The following DACH1 variants were observed in gnomAD, a reference collection of about 807,000 sequenced individuals.
DACH1 encodes dachshund family transcription factor 1.
Under a neutral mutation model 54.2 loss-of-function variants are expected in DACH1, and 12 were observed. The observed-to-expected ratio is 0.22, with a 90% CI of 0.14 to 0.36. The LOEUF is 0.36. DACH1 is among the 10% of genes least tolerant of loss of function. The pLI is 1.00. For synonymous variants in DACH1, 386 were observed against 366.2 expected, an observed-to-expected ratio of 1.05 and a Z score of -0.62; for missense variants, 805 against 929.8, an observed-to-expected ratio of 0.87 and a Z score of 1.75.
At position 71,579,365 on chromosome 13, in the gene DACH1, T is replaced by C. The variant is rs543531032; in HGVS notation, c.1127-6353A>G. ...AAAGCACACACAAATTAATGGAAACTAGAACTGCTTATTTTTAAATTTTGG... is the reference window on the plus strand; with the variant it reads ...AAAGCACACACAAATTAATGGAAACCAGAACTGCTTATTTTTAAATTTTGG... On this transcript the variant is annotated intron_variant, in intron 3 of 10. Coordinates refer to ENST00000613252, the MANE Select transcript of DACH1 (RefSeq NM_080759.6). 8.5e-5 allele frequency among the ~76,000 whole-genome samples: 13 copies of C among 152,228 alleles called. No individual in the cohort carries two copies. The East Asian group carries it at 2.3e-3, about 27-fold the overall frequency.
intron 10 of DACH1, among the ~76,000 whole-genome samples, chr13:71,453,878 A>T (rs1431599965): frequency 2.6e-5 from 4 of 152,192 alleles, no homozygotes; most frequent in Admixed American, 2.6e-4. Flanking sequence ...TCATAGGGAA[A>T]TAACTTTTCT....
chr13:71,574,630 T>C (rs1299930645), intron 3 of DACH1, among the ~76,000 whole-genome samples: 2 of 152,016 alleles, frequency 1.3e-5, no homozygotes, highest in Non-Finnish European at 2.9e-5. Context: ...CTCAATACTG[T>C]CTGGATCTTA....
chr13:71,688,125 T>C (rs1881275787), intron 1 of DACH1, among the ~76,000 whole-genome samples: 1 of 152,232 alleles, frequency 6.6e-6, no homozygotes, highest in Admixed American at 6.5e-5. Context: ...TAAACAAAAA[T>C]ATTATCCTTG....
chr13:71,790,311 A>T (rs561337664), intron 1 of DACH1, among the ~76,000 whole-genome samples: 6 of 152,126 alleles, frequency 3.9e-5, no homozygotes, highest in Non-Finnish European at 8.8e-5. Context: ...TTAATGCATG[A>T]TAGTTTTTAA....
chr13:71,734,017 C>G (rs1317710598), intron 1 of DACH1, among the ~76,000 whole-genome samples: 2 of 151,766 alleles, frequency 1.3e-5, no homozygotes, highest in South Asian at 4.2e-4. Flanking sequence ...CCACTGCACT[C>G]CAGCCTGAGT....
intron 1 of DACH1, among the ~76,000 whole-genome samples, chr13:71,686,710 C>T (rs925477294): frequency 6.6e-6 from 1 of 151,998 alleles, no homozygotes; most frequent in Admixed American, 6.6e-5. Flanking sequence ...AGAGTTGGGG[C>T]AGAGAAACAA....
chr13:71,554,175 A>C (rs2138368217), intron 6 of DACH1, among the ~76,000 whole-genome samples: 1 of 152,164 alleles, frequency 6.6e-6, no homozygotes, highest in South Asian at 2.1e-4. Flanking sequence ...AGTTTCTATC[A>C]ATTTAGAAAG....
intron 6 of DACH1, among the ~76,000 whole-genome samples, chr13:71,554,805 T>C (rs1453348908): frequency 1.3e-5 from 2 of 152,202 alleles, no homozygotes; most frequent in Admixed American, 1.3e-4. Context: ...CAACCTAGTA[T>C]ATTATTTCAA....
chr13:71,538,227 A>C (rs2138323576), intron 6 of DACH1, among the ~76,000 whole-genome samples: 1 of 152,192 alleles, frequency 6.6e-6, no homozygotes, highest in Non-Finnish European at 1.5e-5. Context: ...TAATTACTTC[A>C]ATCATAGAAT....
At chr13:71,708,849 G>GT (rs71415702) in intron 1 of DACH1, among the ~76,000 whole-genome samples, 27 of 81,716 alleles carry the variant, frequency 3.3e-4, no homozygotes, top group South Asian at 1.8e-3. Context: ...CAAGTTTTTT[G>GT]TTGTTTTTTT....
intron 6 of DACH1, among the ~76,000 whole-genome samples, chr13:71,552,862 GAGA>G (rs1883965789): frequency 7.8e-6 from 1 of 128,896 alleles, no homozygotes; most frequent in Non-Finnish European, 1.6e-5. Flanking sequence ...GAGAGAGAGA[GAGA>G]GAGAGAGAGA....
rs551692863 is a variant in DACH1 at position 71,794,012 on chromosome 13, C to T, written c.848+71910G>A. On this transcript the variant is annotated intron_variant, in intron 1 of 10. Transcript: ENST00000613252. ...GTTTTGAGACTTTATAAGGGGCAGG[C>T]ATTTTGCTGTGTTTAATGCTATAAT... is the stretch of plus-strand genomic sequence containing the variant. Among the ~76,000 whole-genome samples, 30 of 151,986 alleles carry T rather than the reference C, an allele frequency of 2.0e-4. No individual in the cohort carries two copies. The South Asian group carries it at 5.2e-3, about 26-fold the overall frequency.
chr13:71,617,952 T>A (rs1027009579), intron 3 of DACH1, among the ~76,000 whole-genome samples: 1 of 152,174 alleles, frequency 6.6e-6, no homozygotes, highest in African/African-American at 2.4e-5. Context: ...GTCTGCTCAC[T>A]TGTTAAAATA....
chr13:71,528,310 T>G lies in DACH1; in HGVS notation c.1570+28714A>C, dbSNP rs114377056. Among the ~76,000 whole-genome samples the G allele has an allele frequency of 8.2e-3, 1,247 of 151,996 alleles. 18 individuals carry two copies. Among genetic ancestry groups the G allele is most frequent in the African/African-American group, 0.028 (1,154 of 41,492 alleles). On this transcript the variant is annotated intron_variant, in intron 6 of 10. Coordinates refer to ENST00000613252, the MANE Select transcript of DACH1 (RefSeq NM_080759.6). Reference sequence around the variant, plus strand: ...ATGAGACTGCAGTTTAGAATTCAAATCAATACATTCACCTATTTACAGGTT... The same window carrying G: ...ATGAGACTGCAGTTTAGAATTCAAAGCAATACATTCACCTATTTACAGGTT...
intron 2 of DACH1, among the ~76,000 whole-genome samples, chr13:71,641,334 G>A (rs1594031905): frequency 3.9e-5 from 6 of 152,094 alleles, no homozygotes; most frequent in South Asian, 4.2e-4. Context: ...AGTCTGAGTG[G>A]GCTAGGAACA....
intron 6 of DACH1, among the ~76,000 whole-genome samples, chr13:71,543,799 T>C (rs2138338759): frequency 6.6e-6 from 1 of 152,250 alleles, no homozygotes; most frequent in Non-Finnish European, 1.5e-5. Context: ...CTCTGTCCCA[T>C]CTGTAAATAA....
At chr13:71,486,490 C>T (rs1878513695) in intron 7 of DACH1, among the ~76,000 whole-genome samples, 1 of 151,972 alleles carries the variant, frequency 6.6e-6, no homozygotes, top group South Asian at 2.1e-4. Context: ...AATACCATAA[C>T]TCAGTAAATG....
intron 1 of DACH1, among the ~76,000 whole-genome samples, chr13:71,785,453 T>C (rs944951579): frequency 6.6e-6 from 1 of 152,232 alleles, no homozygotes; most frequent in Admixed American, 6.5e-5. Flanking sequence ...AAATTCCCTT[T>C]ACATTGCTAA....
At chr13:71,851,328 AT>A (rs1873648657) in intron 1 of DACH1, among the ~76,000 whole-genome samples, 1 of 152,174 alleles carries the variant, frequency 6.6e-6, no homozygotes, top group Non-Finnish European at 1.5e-5. Flanking sequence ...GTTTAAACAC[AT>A]TTTATAATTT....
Sources: allele counts gnomAD v4.1 joint callset (sites outside exome capture counted in the v4.1 genomes callset), GRCh38; gene constraint gnomAD v4.1.1; transcripts MANE v1.5; gene names NCBI Gene and HGNC (gene_info 2026-07-23, HGNC 2026-07-21).